Variants in RALYL observed in about 807,000 individuals in gnomAD.
The protein encoded by RALYL is RALY RNA binding protein like, also known as RNA-binding Raly-like protein.
RALYL carries 29 observed loss-of-function variants against 35.1 expected under a neutral mutation model. That is an observed-to-expected ratio of 0.83 (90% confidence interval 0.61 to 1.13). The LOEUF is 1.13. RALYL is among the 50% of genes most tolerant of loss of function. The pLI, the probability that RALYL is intolerant of heterozygous loss-of-function variation, is 0.00. For synonymous variants in RALYL, 120 were observed against 127.6 expected, an observed-to-expected ratio of 0.94 and a Z score of 0.40; for missense variants, 359 against 360.4, an observed-to-expected ratio of 1.00 and a Z score of 0.03.
At chr8:84,909,630 T>G (rs918949142) in intron 8 of RALYL, among the ~76,000 whole-genome samples, 2 of 152,122 alleles carry the variant, frequency 1.3e-5, no homozygotes, top group Non-Finnish European at 2.9e-5. Context: ...ACTGGGTTAG[T>G]TACAGCCAAA....
rs1199071983 is a variant in RALYL at position 84,571,245 on chromosome 8, G to T, written c.256+41668G>T. The stretch of plus-strand genomic sequence containing the variant: ...TAGCTATGAATCCATCTGGTCCTGG[G>T]ATTCCTTTTGTTGGAAGATTTTTTT... On this transcript the variant is annotated intron_variant, in intron 2 of 8. Coordinates refer to ENST00000521268, the MANE Select transcript of RALYL (RefSeq NM_173848.7). Among the ~76,000 whole-genome samples the T allele has an allele frequency of 2.6e-5, 4 of 151,786 alleles. 1 individual carries two copies. Among genetic ancestry groups the T allele is most frequent in the African/African-American group, 9.6e-5 (4 of 41,472 alleles).
chr8:84,748,170 T>A (rs1304632344), intron 2 of RALYL, among the ~76,000 whole-genome samples: 1 of 152,010 alleles, frequency 6.6e-6, no homozygotes. Context: ...TTCATTCTTT[T>A]CATATTATTT....
chr8:84,813,294 T>G (rs1223633714), intron 4 of RALYL, among the ~76,000 whole-genome samples: 1 of 152,182 alleles, frequency 6.6e-6, no homozygotes, highest in African/African-American at 2.4e-5. Context: ...AGGAGCACTC[T>G]GCCTCCTTCA....
intron 2 of RALYL, chr8:84,679,625 G>A: frequency 6.3e-6 from 3 of 476,002 alleles, no homozygotes; most frequent in Admixed American, 2.3e-5. Context: ...TATTGGAAGA[G>A]CTCAGTTTGA....
intron 2 of RALYL, among the ~76,000 whole-genome samples, chr8:84,760,473 C>A (rs913629671): frequency 6.6e-6 from 1 of 151,876 alleles, no homozygotes; most frequent in Non-Finnish European, 1.5e-5. Flanking sequence ...AACAGAAATA[C>A]AAAAATTTTT....
chr8:84,866,020 A>G (rs1455807592), intron 6 of RALYL, among the ~76,000 whole-genome samples: 1 of 152,238 alleles, frequency 6.6e-6, no homozygotes, highest in African/African-American at 2.4e-5. Flanking sequence ...AAATAATATT[A>G]ATACTCAGCA....
chr8:84,550,606 T>C (rs1481453963), intron 2 of RALYL, among the ~76,000 whole-genome samples: 1 of 151,384 alleles, frequency 6.6e-6, no homozygotes, highest in Non-Finnish European at 1.5e-5. Flanking sequence ...TGATTTATTA[T>C]ATACCTTTTT....
At chr8:84,789,371 A>G (rs2133831496) in intron 3 of RALYL, among the ~76,000 whole-genome samples, 1 of 152,364 alleles carries the variant, frequency 6.6e-6, no homozygotes, top group Non-Finnish European at 1.5e-5. Context: ...TACTAAAACT[A>G]TCTACAACAT....
chr8:84,415,165 T>G (rs1323845761), intron 1 of RALYL, among the ~76,000 whole-genome samples: 2 of 151,482 alleles, frequency 1.3e-5, no homozygotes, highest in African/African-American at 2.4e-5. Context: ...CCTCTGTTTT[T>G]TTTTTTTTTT....
intron 1 of RALYL, among the ~76,000 whole-genome samples, chr8:84,188,395 C>T (rs1813041458): frequency 6.6e-6 from 1 of 151,848 alleles, no homozygotes; most frequent in African/African-American, 2.4e-5. Context: ...TAAAAAGGTC[C>T]TTATTGATCT....
At chr8:84,399,336 A>T (rs1340427638) in intron 1 of RALYL, among the ~76,000 whole-genome samples, 1 of 152,192 alleles carries the variant, frequency 6.6e-6, no homozygotes. Flanking sequence ...TTACATGGAG[A>T]GCACAGTCTT....
intron 8 of RALYL, among the ~76,000 whole-genome samples, chr8:84,916,374 G>T (rs1033642803): frequency 2.0e-5 from 3 of 151,610 alleles, no homozygotes; most frequent in African/African-American, 7.3e-5. Context: ...TAAGTCATAT[G>T]GTTTGGCTGT....
At position 84,537,432 on chromosome 8, in the gene RALYL, A is replaced by T. The variant is rs192693412; in HGVS notation, c.256+7855A>T. On this transcript the variant is annotated intron_variant, in intron 2 of 8. Transcript: ENST00000521268. ...TAGCGGGCTACAGTGAGCTGTGATC[A>T]TGCCACTGCACTCCAGCCTCAGTGA... Among the ~76,000 whole-genome samples the T allele has an allele frequency of 2.1e-3, 322 of 151,330 alleles. 1 individual carries two copies. The highest frequency in any genetic ancestry group is 7.1e-3 in the African/African-American group (294 of 41,208).
chr8:84,711,105 G>A (rs565482308), intron 2 of RALYL, among the ~76,000 whole-genome samples: 1 of 152,116 alleles, frequency 6.6e-6, no homozygotes, highest in Admixed American at 6.6e-5. Context: ...GTTACAAGTA[G>A]AAATAGCATA....
At chr8:84,652,979 G>C (rs143913748) in intron 2 of RALYL, among the ~76,000 whole-genome samples, 5 of 152,162 alleles carry the variant, frequency 3.3e-5, no homozygotes, top group African/African-American at 9.6e-5. Context: ...AAGAAAAATA[G>C]AGAACTTGGA....
chr8:84,686,052 G>A (rs778864182), intron 2 of RALYL, among the ~76,000 whole-genome samples: 5 of 152,188 alleles, frequency 3.3e-5, no homozygotes, highest in African/African-American at 4.8e-5. Flanking sequence ...CTTGGACACA[G>A]CTGGTGCAGT....
intron 1 of RALYL, among the ~76,000 whole-genome samples, chr8:84,241,414 C>T (rs13253923): frequency 2.0e-5 from 3 of 151,814 alleles, no homozygotes; most frequent in East Asian, 3.9e-4. Flanking sequence ...CTTGGTGTGG[C>T]GGCTGGAGAA....
At chr8:84,595,048 T>C (rs1402282567) in intron 2 of RALYL, among the ~76,000 whole-genome samples, 1 of 152,102 alleles carries the variant, frequency 6.6e-6, no homozygotes, top group Non-Finnish European at 1.5e-5. Context: ...ACAAGGCATA[T>C]ATTTAAATAT....
At chr8:84,806,275 T>G (rs1824578408) in intron 4 of RALYL, among the ~76,000 whole-genome samples, 2 of 152,152 alleles carry the variant, frequency 1.3e-5, no homozygotes, top group Non-Finnish European at 2.9e-5. Context: ...AGCATGCTTT[T>G]TTCCCTACAT....
Sources: allele counts gnomAD v4.1 joint callset (sites outside exome capture counted in the v4.1 genomes callset), GRCh38; gene constraint gnomAD v4.1.1; transcripts MANE v1.5; gene names NCBI Gene and HGNC (gene_info 2026-07-23, HGNC 2026-07-21).